Variants in PTPN21 observed in about 807,000 individuals in gnomAD.
The protein encoded by PTPN21 is protein tyrosine phosphatase non-receptor type 21, also known as tyrosine-protein phosphatase non-receptor type 21.
A neutral mutation model predicts 131.8 loss-of-function variants in PTPN21; 77 were observed. The ratio of observed to expected loss-of-function variants is 0.58; its 90% confidence interval spans 0.49 to 0.71. PTPN21 has a LOEUF of 0.71. Ranked by LOEUF, PTPN21 falls within the 30% of genes least tolerant of loss-of-function variation. PTPN21 has a pLI of 0.00. For synonymous variants in PTPN21, 715 were observed against 621.3 expected (o/e 1.15, Z -2.24); for missense variants, 1,552 against 1,527.1 (o/e 1.02, Z -0.27).
In PTPN21 at chr14:88,490,012, C is replaced by CTTTTT. The variant is rs757640728; in HGVS notation, c.933-4175_933-4171dup. ...CCAGCCCCATGAAATGTGTGGTTTT[C>CTTTTT]TTTTTTTTTTTTTGGAGATGGAGTC... On this transcript the variant is annotated intron_variant, in intron 10 of 18. Transcript: ENST00000556564. 9.3e-3 allele frequency among the ~76,000 whole-genome samples: 1,334 copies of CTTTTT among 143,056 alleles called. 13 individuals are homozygous for CTTTTT. The highest frequency in any genetic ancestry group is 0.033 in the African/African-American group (1,270 of 38,716). 93.9% of individuals were successfully genotyped at this position (143,056 alleles called of 152,430 possible).
At chr14:88,535,862 C>G (rs2078623484) in intron 2 of PTPN21, among the ~76,000 whole-genome samples, 1 of 151,690 alleles carries the variant, frequency 6.6e-6, no homozygotes, top group Non-Finnish European at 1.5e-5. Flanking sequence ...CACATCCTCT[C>G]TTCCTTGAGT....
chr14:88,472,387 C>T lies in PTPN21; in HGVS notation c.2728G>A (p.Asp910Asn), dbSNP rs1430851001. 2 of 1,614,000 alleles carry T rather than the reference C, an allele frequency of 1.2e-6. No homozygotes were observed. The highest frequency in any genetic ancestry group is 1.7e-4 in the Middle Eastern group (1 of 6,060). ...AGTCGTGCTGTTGAGCACTCCCCAT[C>T]AACTAGCCGTTTCTTAAGAATTCTT... ...YERILKKRLV[D>N]GECSTARLPE... The change falls in exon 15 of 19, where the codon GAT becomes AAT. Residue 910 changes from aspartate (D) to asparagine (N), a missense_variant. Around this residue, in one of 4 missense-constraint regions of PTPN21, gnomAD observed 316 missense variants for 378.5 expected, o/e 0.83. Coordinates refer to ENST00000556564, the MANE Select transcript of PTPN21 (RefSeq NM_007039.4).
Position 88,478,939 on chromosome 14 carries a change from T to C in PTPN21, c.2492A>G (p.Glu831Gly). ...GCTTACCCCTAGAGGCGGGAGCCCT[T>C]CCACGATGTTCTTCTTCCCAGAGAG... ...DLLSGKKNIV[E>G]GLPPLGGMKK... Residue 831 changes from glutamate (E) to glycine (G), a missense_variant, in exon 13 of 19, where the codon GAA becomes GGA. Coordinates refer to ENST00000556564, the MANE Select transcript of PTPN21 (RefSeq NM_007039.4). 1 of 1,511,850 alleles carries C rather than the reference T, an allele frequency of 6.6e-7. No individual in the cohort carries two copies. The highest frequency in any genetic ancestry group is 1.4e-5 in the African/African-American group (1 of 70,960). 93.7% of individuals were successfully genotyped at this position (1,511,850 alleles called of 1,614,324 possible). A position where few individuals can be genotyped will look rare whatever the true frequency, so the allele number is the denominator to read the frequency against.
At chr14:88,522,427 C>CAAAAAAAAAAAAAAAAAAAAAAAAA (rs1177147324) in intron 2 of PTPN21, among the ~76,000 whole-genome samples, 1 of 42,190 alleles carries the variant, frequency 2.4e-5, no homozygotes. Context: ...AAGACTGTCT[C>CAAAAAAAAAAAAAAAAAAAAAAAAA]AAAAAAAAAA....
At chr14:88,523,611 A>T (rs2078431754) in intron 2 of PTPN21, among the ~76,000 whole-genome samples, 1 of 152,154 alleles carries the variant, frequency 6.6e-6, no homozygotes, top group Non-Finnish European at 1.5e-5. Context: ...CAATTAGGCA[A>T]GAAAAATAAA....
Position 88,467,003 on chromosome 14 carries a change from G to GT in PTPN21, c.*1133dup, listed in dbSNP as rs1367069354. The GT allele has an allele frequency of 6.6e-6, 1 of 152,230 alleles. No homozygotes were observed. The highest frequency in any genetic ancestry group is 2.4e-5 in the African/African-American group (1 of 41,450). The allele number at this position is 152,230 out of a possible 1,614,324, so 9.4% of individuals were successfully genotyped here. The stretch of plus-strand genomic sequence containing the variant: ...GTGGGAAAAGCCCCAAGGAAACGGA[G>GT]TAAGTCACTGGCGGTCACAGGACTT... On this transcript the variant is annotated 3_prime_UTR_variant, in exon 19 of 19. Transcript: ENST00000556564.
In PTPN21 at chr14:88,517,859, AT is replaced by A. The variant is rs970612269; in HGVS notation, c.181-599del. On this transcript the variant is annotated intron_variant, in intron 2 of 18. Transcript: ENST00000556564. ...TATACACTATATATATGGTATATAT[AT>A]GTGTATATGTGTATATATACTATAT... Among the ~76,000 whole-genome samples, 36 of 146,428 alleles carry A rather than the reference AT, an allele frequency of 2.5e-4. 1 individual carries two copies. The highest frequency in any genetic ancestry group is 7.3e-4 in the African/African-American group (29 of 39,980).
chr14:88,493,129 G>C (rs775419656), intron 10 of PTPN21: 8 of 455,360 alleles, frequency 1.8e-5, no homozygotes, highest in African/African-American at 1.6e-4. Context: ...ATCAATAATG[G>C]GATAGTAATA....
chr14:88,483,318 G>A (rs750264198), intron 12 of PTPN21, among the ~76,000 whole-genome samples: 4 of 151,942 alleles, frequency 2.6e-5, no homozygotes, highest in Non-Finnish European at 4.4e-5. Context: ...ACAGAGGGAA[G>A]AGAATGAGTG....
chr14:88,479,420 C>T lies in PTPN21; in HGVS notation c.2011G>A (p.Val671Met), dbSNP rs2077601926. 6.2e-7 allele frequency: 1 copy of T among 1,602,824 alleles called. No individual in the cohort carries two copies. The highest frequency in any genetic ancestry group is 8.5e-7 in the Non-Finnish European group (1 of 1,178,600). Residue 671 changes from valine (V) to methionine (M), a missense_variant, in exon 13 of 19, where the codon GTG (valine) becomes ATG (methionine). Physicochemically the swap from Val to Met is conservative, Grantham distance 21. This residue lies in a region of PTPN21 where 1,016 missense variants were observed against 883.5 expected (regional missense o/e 1.15). Transcript: ENST00000556564. ...AAEVAPRAVS[V>M]GSQPSVFTER... ...GTGAAAACGCTGGGCTGGGAGCCCA[C>T]CGAGACGGCTCGCGGCGCCACCTCT...
intron 11 of PTPN21, among the ~76,000 whole-genome samples, 164 bp from the exon 12 acceptor site, chr14:88,485,324 G>A (rs113266705): frequency 2.0e-5 from 3 of 152,078 alleles, no homozygotes; most frequent in African/African-American, 7.2e-5. Context: ...AACATATCTA[G>A]CATTTCTGTT....
chr14:88,532,227 T>C (rs1036138187), intron 2 of PTPN21, among the ~76,000 whole-genome samples: 7 of 152,048 alleles, frequency 4.6e-5, no homozygotes, highest in Admixed American at 6.6e-5. Context: ...TTCCAAAAGA[T>C]AGAGAAAGAG....
chr14:88,481,772 G>C (rs927004911), intron 12 of PTPN21, among the ~76,000 whole-genome samples: 10 of 152,174 alleles, frequency 6.6e-5, no homozygotes, highest in African/African-American at 2.2e-4. Flanking sequence ...AGTGGGTGGG[G>C]TGGGCGTGTC....
Position 88,465,950 on chromosome 14 carries a change from C to T in PTPN21, c.*2187G>A, listed in dbSNP as rs1035150325. The T allele has an allele frequency of 2.6e-5, 4 of 151,946 alleles. No homozygotes were observed. Among genetic ancestry groups the T allele is most frequent in the African/African-American group, 9.7e-5 (4 of 41,322 alleles). 9.4% of individuals were successfully genotyped at this position (151,946 alleles called of 1,614,324 possible). A position where few individuals can be genotyped will look rare whatever the true frequency, so the allele number is the denominator to read the frequency against. The stretch of plus-strand genomic sequence containing the variant: ...TTATCAAATTATTACAACAGGAACA[C>T]AAATAGACCACATATTACTCTTTAA... On this transcript the variant is annotated 3_prime_UTR_variant, in exon 19 of 19. Coordinates refer to ENST00000556564, the MANE Select transcript of PTPN21 (RefSeq NM_007039.4).
At chr14:88,549,791 C>CT (rs1445651315) in intron 2 of PTPN21, among the ~76,000 whole-genome samples, 2 of 148,506 alleles carry the variant, frequency 1.3e-5, no homozygotes, top group African/African-American at 2.5e-5. Flanking sequence ...GAGCAGGTGT[C>CT]TCGCTCTGTA....
At chr14:88,517,791 T>G (rs1164520201) in intron 2 of PTPN21, among the ~76,000 whole-genome samples, 13 of 147,032 alleles carry the variant, frequency 8.8e-5, no homozygotes, top group Non-Finnish European at 1.5e-5. Flanking sequence ...TATATATATA[T>G]GTGTACATGT....
intron 5 of PTPN21, 37 bp downstream of exon 5, chr14:88,505,267 T>C: frequency 1.4e-6 from 2 of 1,479,722 alleles, no homozygotes; most frequent in African/African-American, 1.4e-5. Context: ...GAATAAACTG[T>C]TTCTTTTAAA....
At chr14:88,544,107 G>A (rs1737920538) in intron 2 of PTPN21, among the ~76,000 whole-genome samples, 1 of 152,190 alleles carries the variant, frequency 6.6e-6, no homozygotes, top group South Asian at 2.1e-4. Flanking sequence ...CACTTTGGGA[G>A]GCCAAGGTGG....
rs1302519963 is a variant in PTPN21, at chr14:88,550,298, G to C, written c.120C>G (p.Ser40=). ...LNNEFVEFTL[S]VESTGQESLE... is the part of the protein sequence containing the mutation. ...GGCTTTCCTGGCCAGTGCTCTCCAC[G>C]GACAGGGTGAACTCCACAAACTCGT... Residue 40 remains serine, a synonymous_variant, in exon 2 of 19, where the codon TCC becomes TCG. Coordinates refer to ENST00000556564, the MANE Select transcript of PTPN21 (RefSeq NM_007039.4). 6.8e-6 allele frequency: 11 copies of C among 1,614,168 alleles called. No individual in the cohort carries two copies. Among genetic ancestry groups the C allele is most frequent in the East Asian group, 2.2e-5 (1 of 44,882 alleles).
Sources: gnomAD v4.1 joint callset for allele counts (sites outside exome capture counted in the v4.1 genomes callset) on GRCh38, gnomAD v4.1.1 for gene constraint, gnomAD v4.1.1 regional missense constraint, MANE v1.5 for transcripts, NCBI Gene and HGNC (gene_info 2026-07-23, HGNC 2026-07-21) for gene names.